The following STK32B variants were observed in gnomAD, a reference collection of about 807,000 sequenced individuals.
STK32B encodes serine/threonine-protein kinase 32B.
Under a neutral mutation model 52.6 loss-of-function variants are expected in STK32B, and 43 were observed. The ratio of observed to expected loss-of-function variants is 0.82; its 90% CI spans 0.64 to 1.05. The LOEUF (loss-of-function observed/expected upper bound fraction) is 1.05, where lower values mean the gene tolerates loss of function less well. Among genes scored for constraint, STK32B ranks in the 50% least tolerant of loss-of-function variants. The pLI is 0.00. For missense variants in STK32B, 621 were observed against 534.6 expected, an observed-to-expected ratio of 1.16 and a Z score of -1.59; for synonymous variants, 238 against 204.3, an observed-to-expected ratio of 1.17 and a Z score of -1.41.
intron 1 of STK32B, among the ~76,000 whole-genome samples, chr4:5,104,778 A>G (rs924850135): frequency 2.0e-5 from 3 of 152,176 alleles, no homozygotes; most frequent in Non-Finnish European, 4.4e-5. Flanking sequence ...TTATGAATGA[A>G]TATTATTTTG....
At chr4:5,233,030 T>C (rs1052522900) in intron 3 of STK32B, among the ~76,000 whole-genome samples, 6 of 152,180 alleles carry the variant, frequency 3.9e-5, no homozygotes, top group Non-Finnish European at 8.8e-5. Context: ...ACTTGTGGTT[T>C]CCCTAACTCT....
In STK32B at chr4:5,378,547, A is replaced by G. The variant is rs746374349; in HGVS notation, c.435-19660A>G. Among the ~76,000 whole-genome samples, 2 of 151,024 alleles carry G rather than the reference A, an allele frequency of 1.3e-5. No homozygotes were observed. Among genetic ancestry groups the G allele is most frequent in the African/African-American group, 4.9e-5 (2 of 40,962 alleles). ...CTGTTTTCTTCTTTTTTTGCATTCT[A>G]TAGTATTGATAGGGTTTGTTATGCC... On this transcript the variant is annotated intron_variant, in intron 4 of 11. Coordinates refer to ENST00000282908, the MANE Select transcript of STK32B (RefSeq NM_018401.3). This position sits in a 1 kb window ranked among gnomAD's most constrained non-coding sequence, Gnocchi z 4.4.
At chr4:5,473,307 G>A (rs1035469184) in intron 11 of STK32B, among the ~76,000 whole-genome samples, 1 of 152,200 alleles carries the variant, frequency 6.6e-6, no homozygotes, top group Non-Finnish European at 1.5e-5. Context: ...CAGACGTGCA[G>A]GAAGGATTGC....
chr4:5,311,500 A>T (rs1287066698), intron 3 of STK32B, among the ~76,000 whole-genome samples: 1 of 152,186 alleles, frequency 6.6e-6, no homozygotes, highest in African/African-American at 2.4e-5. Context: ...GAATAAGCTG[A>T]TTCTTCAAAA....
intron 3 of STK32B, among the ~76,000 whole-genome samples, chr4:5,197,417 C>T (rs961970327): frequency 7.2e-5 from 11 of 152,356 alleles, no homozygotes; most frequent in African/African-American, 2.6e-4. Context: ...AGTCAGGGAG[C>T]ATGTGCAGTG....
chr4:5,280,863 C>T (rs1325125491), intron 3 of STK32B, among the ~76,000 whole-genome samples: 2 of 152,106 alleles, frequency 1.3e-5, no homozygotes, highest in Admixed American at 6.6e-5. Flanking sequence ...CGTACCACTG[C>T]ACTCCAGCCT....
intron 9 of STK32B, among the ~76,000 whole-genome samples, chr4:5,461,506 C>A (rs760612217): frequency 6.6e-6 from 1 of 152,210 alleles, no homozygotes; most frequent in African/African-American, 2.4e-5. Context: ...GCAGCGCACA[C>A]GCACGTTTCT....
At chr4:5,324,706 T>C (rs1005569013) in intron 3 of STK32B, among the ~76,000 whole-genome samples, 1 of 152,180 alleles carries the variant, frequency 6.6e-6, no homozygotes, top group African/African-American at 2.4e-5. Context: ...GCAAAACTGC[T>C]CTGGGTTTGG....
chr4:5,243,328 C>G (rs149476026), intron 3 of STK32B, among the ~76,000 whole-genome samples: 10,987 of 152,078 alleles, frequency 0.072, 577 homozygotes, highest in African/African-American at 0.15. Context: ...GTATTTTATT[C>G]TCTTTGAAGC....
chr4:5,496,035 C>A (rs1250630516), intron 11 of STK32B, among the ~76,000 whole-genome samples: 4 of 152,352 alleles, frequency 2.6e-5, no homozygotes, highest in South Asian at 4.1e-4. Context: ...GGTCAGGGAC[C>A]CACTTGAGGA....
intron 4 of STK32B, among the ~76,000 whole-genome samples, chr4:5,358,384 C>T (rs1449343191): frequency 2.0e-5 from 3 of 152,150 alleles, no homozygotes; most frequent in African/African-American, 4.8e-5. Context: ...ATCAGTAAAT[C>T]GGGTCAGCAT....
Position 5,416,842 on chromosome 4 carries a change from C to T in STK32B, c.473-3C>T, listed in dbSNP as rs1388591300. 15 of 1,613,044 alleles carry T rather than the reference C, an allele frequency of 9.3e-6. No individual in the cohort carries two copies. Among genetic ancestry groups the T allele is most frequent in the Admixed American group, 1.7e-5 (1 of 59,878 alleles). On this transcript the variant is annotated splice_region_variant and splice_polypyrimidine_tract_variant and intron_variant, in intron 5 of 11. Transcript: ENST00000282908. ...ACTGGAGTTTCTGTTTCTGTATTTGCAGGACATGTTCACATTACAGACTTC... is the reference window on the plus strand; with the variant it reads ...ACTGGAGTTTCTGTTTCTGTATTTGTAGGACATGTTCACATTACAGACTTC...
At chr4:5,151,489 G>A (rs1467457058) in intron 2 of STK32B, among the ~76,000 whole-genome samples, 1 of 152,204 alleles carries the variant, frequency 6.6e-6, no homozygotes, top group Admixed American at 6.5e-5. Context: ...TGGTTATCAG[G>A]AAAGAACACA....
intron 1 of STK32B, among the ~76,000 whole-genome samples, chr4:5,056,933 C>G (rs1233403189): frequency 6.6e-6 from 1 of 152,218 alleles, no homozygotes; most frequent in Non-Finnish European, 1.5e-5. Flanking sequence ...CCATCCCCCC[C>G]AACCTGTTAT....
intron 5 of STK32B, among the ~76,000 whole-genome samples, chr4:5,404,040 G>C (rs920750692): frequency 2.6e-5 from 4 of 151,912 alleles, no homozygotes; most frequent in African/African-American, 9.7e-5. Context: ...TGGGGTTTCT[G>C]CTGCAGCACT....
chr4:5,090,089 C>G (rs1348955418), intron 1 of STK32B, among the ~76,000 whole-genome samples: 1 of 151,874 alleles, frequency 6.6e-6, no homozygotes, highest in Non-Finnish European at 1.5e-5. Context: ...TGTTTAAGTT[C>G]CTTGTAAATT....
Position 5,443,633 on chromosome 4 carries a change from G to A in STK32B, c.563-3040G>A, listed in dbSNP as rs202210707. Among the ~76,000 whole-genome samples the A allele has an allele frequency of 4.7e-3, 719 of 152,266 alleles. 18 individuals are homozygous for A. The East Asian group carries it at 0.068, about 14-fold the overall frequency. On this transcript the variant is annotated intron_variant, in intron 6 of 11. Coordinates refer to ENST00000282908, the MANE Select transcript of STK32B (RefSeq NM_018401.3). ...GTCATTCTCCATCCAGCTTTGTTCC[G>A]TTGCTGGTGAGGAACTGCATTCCTT...
intron 3 of STK32B, among the ~76,000 whole-genome samples, chr4:5,304,776 G>A (rs890832928): frequency 4.1e-5 from 6 of 145,804 alleles, no homozygotes; most frequent in Admixed American, 4.0e-4. Context: ...TCGGGGAGGG[G>A]GGGTGCTTTC....
chr4:5,392,063 T>TA (rs1736623794), intron 4 of STK32B, among the ~76,000 whole-genome samples: 1 of 152,286 alleles, frequency 6.6e-6, no homozygotes, highest in Non-Finnish European at 1.5e-5. Flanking sequence ...TGAATCATAT[T>TA]AAAAAAGAAA....
Sources: allele counts gnomAD v4.1 joint callset (sites outside exome capture counted in the v4.1 genomes callset), GRCh38; gene constraint gnomAD v4.1.1; non-coding constraint Gnocchi (gnomAD v3.1); transcripts MANE v1.5; gene names NCBI Gene and HGNC (gene_info 2026-07-23, HGNC 2026-07-21).